Variants in TNFRSF8 observed in about 807,000 individuals in gnomAD.
TNFRSF8 encodes tumor necrosis factor receptor superfamily member 8.
In TNFRSF8, 26 loss-of-function variants were observed where a neutral mutation model predicts 70.8. The ratio of observed to expected loss-of-function variants is 0.37; its 90% confidence interval spans 0.27 to 0.51. The LOEUF (loss-of-function observed/expected upper bound fraction) is 0.51. Among genes scored for constraint, TNFRSF8 ranks in the 20% least tolerant of loss-of-function variants. The probability of loss-of-function intolerance (pLI) is 0.94; values close to 1 mark genes in which losing one functional copy is unlikely to be tolerated. For synonymous variants in TNFRSF8, 356 were observed against 339.2 expected (o/e 1.05, Z -0.54); for missense variants, 720 against 807.9 (o/e 0.89, Z 1.32).
At chr1:12,078,195 G>C (rs1199409848) in intron 1 of TNFRSF8, among the ~76,000 whole-genome samples, 2 of 152,136 alleles carry the variant, frequency 1.3e-5, no homozygotes, top group Non-Finnish European at 2.9e-5. Flanking sequence ...TGGTAGATGT[G>C]GGGGTAAAAC....
rs754880340 is a variant in TNFRSF8 at position 12,111,985 on chromosome 1, G to A, written c.764G>A (p.Arg255His). 1.2e-5 allele frequency: 19 copies of A among 1,613,890 alleles called. No homozygotes were observed. Among genetic ancestry groups the A allele is most frequent in the South Asian group, 8.8e-5 (8 of 91,082 alleles). The change falls in exon 7 of 15, where the codon CGC (arginine) becomes CAC (histidine). Residue 255 changes from arginine (R) to histidine (H), a missense_variant. By Grantham distance (29) the Arg-to-His change is conservative. Coordinates refer to ENST00000263932, the MANE Select transcript of TNFRSF8 (RefSeq NM_001243.5). ...EPDYYLDEAG[R>H]CTACVSCSRD... ...GACTACTACCTGGACGAGGCCGGCC[G>A]CTGCACGGCCTGCGTGAGCTGTTCT...
At chr1:12,087,888 C>G (rs1002115359) in intron 2 of TNFRSF8, among the ~76,000 whole-genome samples, 1 of 152,120 alleles carries the variant, frequency 6.6e-6, no homozygotes, top group Non-Finnish European at 1.5e-5. Flanking sequence ...CCAGTGCTGG[C>G]TGGGGCTGAA....
At position 12,143,076 on chromosome 1, in the gene TNFRSF8, T is replaced by C; in HGVS notation, c.*545T>C. 1 of 154,306 alleles carries C rather than the reference T, an allele frequency of 6.5e-6. No individual in the cohort carries two copies. Among genetic ancestry groups the C allele is most frequent in the South Asian group, 1.9e-4 (1 of 5,152 alleles). The allele number at this position is 154,306 out of a possible 1,614,324, so 9.6% of individuals were successfully genotyped here. A position where few individuals can be genotyped will look rare whatever the true frequency, so the allele number is the denominator to read the frequency against. On this transcript the variant is annotated 3_prime_UTR_variant, in exon 15 of 15. Transcript: ENST00000263932. This position sits in a 1 kb window ranked among gnomAD's most constrained non-coding sequence, Gnocchi z 4.1. ...TGTTTCTCCAGAGTCAAAAGGGAAGTCGAGGGATGGGGCGTCGTCAGCTGG... is the reference window on the plus strand; with the variant it reads ...TGTTTCTCCAGAGTCAAAAGGGAAGCCGAGGGATGGGGCGTCGTCAGCTGG...
chr1:12,131,811 T>C (rs1381238444), intron 12 of TNFRSF8, among the ~76,000 whole-genome samples: 1 of 152,016 alleles, frequency 6.6e-6, no homozygotes, highest in Non-Finnish European at 1.5e-5. Flanking sequence ...ATTTTTTTTT[T>C]GAGGCAGAGT....
At chr1:12,128,071 GCCCCTT>G (rs1641974202) in intron 12 of TNFRSF8, among the ~76,000 whole-genome samples, 2 of 152,200 alleles carry the variant, frequency 1.3e-5, no homozygotes, top group Admixed American at 1.3e-4. Context: ...CTGGCCGGAT[GCCCCTT>G]TCCCTCCTGA....
chr1:12,117,272 G>A (rs1047201572), intron 8 of TNFRSF8, among the ~76,000 whole-genome samples: 4 of 151,988 alleles, frequency 2.6e-5, no homozygotes, highest in East Asian at 3.9e-4. Flanking sequence ...TAGTAGAGAC[G>A]GGGTTTTGCC....
At chr1:12,097,241 G>T in intron 3 of TNFRSF8, 24 bp downstream of exon 3, 1 of 1,584,374 alleles carries the variant, frequency 6.3e-7, no homozygotes, top group Non-Finnish European at 8.7e-7. Flanking sequence ...TCTCTCTCCA[G>T]GGCCTCCTTC....
rs11569894 is a variant in TNFRSF8, at chr1:12,115,828, C to CTA, written c.946+100_946+101dup. ...ACAGCCAGGGGTGGAGGCAAATGAC[C>CTA]TACACCCTCGGCTGTTCATTAGGTC... On this transcript the variant is annotated intron_variant, in intron 8 of 14. Coordinates refer to ENST00000263932, the MANE Select transcript of TNFRSF8 (RefSeq NM_001243.5). 2,985 of 1,376,634 alleles carry CTA rather than the reference C, an allele frequency of 2.2e-3. 55 individuals are homozygous for CTA. In the African/African-American group the frequency reaches 0.039, roughly 18 times the overall value. The allele number at this position is 1,376,634 out of a possible 1,614,324, so 85.3% of individuals were successfully genotyped here.
chr1:12,079,718 A>G (rs529604936), intron 1 of TNFRSF8, among the ~76,000 whole-genome samples: 1 of 151,226 alleles, frequency 6.6e-6, no homozygotes, highest in African/African-American at 2.5e-5. Context: ...CAGGCTGGCC[A>G]TCCCACCAGG....
At chr1:12,118,193 C>A (rs1641768267) in intron 8 of TNFRSF8, among the ~76,000 whole-genome samples, 1 of 151,190 alleles carries the variant, frequency 6.6e-6, no homozygotes, top group Non-Finnish European at 1.5e-5. Context: ...TCACGGCAAC[C>A]TCTGCCTCCT....
chr1:12,094,342 G>C (rs184166854), intron 2 of TNFRSF8, among the ~76,000 whole-genome samples: 12 of 152,148 alleles, frequency 7.9e-5, no homozygotes, highest in Admixed American at 7.9e-4. Flanking sequence ...AGGAGCATTC[G>C]GGGCAGAGGA....
At chr1:12,094,524 C>T (rs1323172585) in intron 2 of TNFRSF8, among the ~76,000 whole-genome samples, 2 of 151,556 alleles carry the variant, frequency 1.3e-5, no homozygotes, top group African/African-American at 4.9e-5. Flanking sequence ...TGAAAGTTTT[C>T]AGCAAGGAGT....
At chr1:12,076,424 C>T (rs1640969281) in intron 1 of TNFRSF8, among the ~76,000 whole-genome samples, 1 of 152,090 alleles carries the variant, frequency 6.6e-6, no homozygotes, top group South Asian at 2.1e-4. Context: ...CAAAATAAAC[C>T]TGTCTTTGGT....
chr1:12,067,006 G>A (rs1287922127), intron 1 of TNFRSF8, among the ~76,000 whole-genome samples: 2 of 152,044 alleles, frequency 1.3e-5, no homozygotes, highest in Non-Finnish European at 2.9e-5. Context: ...ATCATTTTTC[G>A]CCTGGTATTC....
At position 12,125,956 on chromosome 1, in the gene TNFRSF8, G is replaced by A. The variant is rs1467172380; in HGVS notation, c.1159G>A (p.Val387Met). ...TGKPVLDAGP[V>M]LFWVILVLVV... is the part of the protein sequence containing the mutation. The stretch of plus-strand genomic sequence containing the variant: ...GGGGCGTCTCTGTGTTCCAGGGCCA[G>A]TGCTCTTCTGGGTGATCCTGGTGTT... Residue 387 changes from valine (V) to methionine (M), a missense_variant, in exon 11 of 15, where the codon GTG becomes ATG. Physicochemically the swap from Val to Met is conservative, Grantham distance 21 (BLOSUM62 1). Coordinates refer to ENST00000263932, the MANE Select transcript of TNFRSF8 (RefSeq NM_001243.5). 1.9e-6 allele frequency: 3 copies of A among 1,614,000 alleles called. No individual in the cohort carries two copies. Among genetic ancestry groups the A allele is most frequent in the African/African-American group, 1.3e-5 (1 of 74,930 alleles).
At chr1:12,100,064 G>C (rs867467975) in intron 3 of TNFRSF8, among the ~76,000 whole-genome samples, 112 of 152,214 alleles carry the variant, frequency 7.4e-4, no homozygotes, top group African/African-American at 2.6e-3. Flanking sequence ...AGCTACTCAA[G>C]AGGCTGAAGC....
chr1:12,103,521 G>A (rs1433056441), intron 3 of TNFRSF8, among the ~76,000 whole-genome samples: 1 of 152,126 alleles, frequency 6.6e-6, no homozygotes, highest in Non-Finnish European at 1.5e-5. Flanking sequence ...CCAGGCTGGA[G>A]TGCAGTGGTG....
At chr1:12,085,180 G>A (rs1027845669) in intron 2 of TNFRSF8, among the ~76,000 whole-genome samples, 5 of 151,874 alleles carry the variant, frequency 3.3e-5, no homozygotes, top group South Asian at 2.1e-4. Context: ...GTGCAATCTC[G>A]GCTCACTGCA....
At position 12,089,151 on chromosome 1, in the gene TNFRSF8, A is replaced by T. The variant is rs535575962; in HGVS notation, c.151+4600A>T. On this transcript the variant is annotated intron_variant, in intron 2 of 14. Coordinates refer to ENST00000263932, the MANE Select transcript of TNFRSF8 (RefSeq NM_001243.5). ...ATGGATGGAGGGATGGCCCTCCCTGACCCCAAGCCAGCTCAGAGGTCTTGG... is the reference window on the plus strand; with the variant it reads ...ATGGATGGAGGGATGGCCCTCCCTGTCCCCAAGCCAGCTCAGAGGTCTTGG... Among the ~76,000 whole-genome samples the T allele has an allele frequency of 3.3e-5, 5 of 152,008 alleles. No homozygotes were observed. In the East Asian group the frequency reaches 5.8e-4, roughly 18 times the overall value.
Sources: gnomAD v4.1 joint callset for allele counts (sites outside exome capture counted in the v4.1 genomes callset) on GRCh38, gnomAD v4.1.1 for gene constraint, Gnocchi (gnomAD v3.1) non-coding constraint, MANE v1.5 for transcripts, NCBI Gene and HGNC (gene_info 2026-07-23, HGNC 2026-07-21) for gene names.